Variants in SLC4A8 observed in about 807,000 individuals in gnomAD.
SLC4A8 encodes the protein solute carrier family 4 member 8, also known as electroneutral sodium bicarbonate exchanger 1.
Under a neutral mutation model 125.0 loss-of-function variants are expected in SLC4A8, and 40 were observed. The ratio of observed to expected loss-of-function variants is 0.32; its 90% CI spans 0.25 to 0.42. SLC4A8 has a LOEUF of 0.42. SLC4A8 is among the 10% of genes least tolerant of loss of function. The pLI is 1.00. For synonymous variants in SLC4A8, 456 were observed against 476.0 expected, an observed-to-expected ratio of 0.96 and a Z score of 0.55; for missense variants, 863 against 1,355.1, an observed-to-expected ratio of 0.64 and a Z score of 5.70.
At chr12:51,402,401 C>G (rs539042127) in intron 1 of SLC4A8, among the ~76,000 whole-genome samples, 1 of 152,098 alleles carries the variant, frequency 6.6e-6, no homozygotes, top group Non-Finnish European at 1.5e-5. Context: ...TTTGCTACCC[C>G]GATAAACTCA....
intron 1 of SLC4A8, among the ~76,000 whole-genome samples, chr12:51,436,622 TTTAG>T (rs945724367): frequency 2.5e-4 from 38 of 152,226 alleles, no homozygotes; most frequent in East Asian, 5.8e-4. Flanking sequence ...TATTTATTTA[TTTAG>T]TTAGTTAGTT....
intron 11 of SLC4A8, among the ~76,000 whole-genome samples, chr12:51,468,691 C>T (rs781565854): frequency 6.6e-5 from 10 of 152,152 alleles, no homozygotes; most frequent in East Asian, 3.9e-4. Context: ...ACCCAGGAGG[C>T]GGAGCTTGCA....
At position 51,495,043 on chromosome 12, in the gene SLC4A8, C is replaced by T. The variant is rs1951425403; in HGVS notation, c.2868C>T (p.Thr956=). The T allele has an allele frequency of 6.2e-7, 1 of 1,614,194 alleles. No individual in the cohort carries two copies. Among genetic ancestry groups the T allele is most frequent in the South Asian group, 1.1e-5 (1 of 91,088 alleles). The change falls in exon 21 of 25, where the codon ACC becomes ACT. Residue 956 remains threonine (T), a synonymous_variant. Coordinates refer to ENST00000453097, the MANE Select transcript of SLC4A8 (RefSeq NM_001039960.3). ...CGCTGCGCAAAGTGCACCTCTTCAC[C>T]CTCATCCAGTTGACCTGTCTCGTCC... The part of the protein sequence containing the change: ...HVPLRKVHLF[T]LIQLTCLVLL...
chr12:51,505,113 T>C (rs1938110480), intron 23 of SLC4A8, among the ~76,000 whole-genome samples: 1 of 152,198 alleles, frequency 6.6e-6, no homozygotes, highest in Non-Finnish European at 1.5e-5. Flanking sequence ...CTACGTGTTG[T>C]TGTGGAAGGA....
At chr12:51,477,936 G>A (rs1427353530) in intron 16 of SLC4A8, among the ~76,000 whole-genome samples, 2 of 152,156 alleles carry the variant, frequency 1.3e-5, no homozygotes, top group Non-Finnish European at 2.9e-5. Flanking sequence ...TTTGAGACCA[G>A]CCTGGCTAAC....
In SLC4A8 at chr12:51,510,116, C is replaced by T. The variant is rs1031275169; in HGVS notation, c.*2678C>T. 6.6e-6 allele frequency: 1 copy of T among 152,222 alleles called. No homozygotes were observed. Among genetic ancestry groups the T allele is most frequent in the Non-Finnish European group, 1.5e-5 (1 of 68,116 alleles). The allele number at this position is 152,222 out of a possible 1,614,324, so 9.4% of individuals were successfully genotyped here. On this transcript the variant is annotated 3_prime_UTR_variant, in exon 25 of 25. Coordinates refer to ENST00000453097, the MANE Select transcript of SLC4A8 (RefSeq NM_001039960.3). ...GACAGCTGGAGGAGGGTCTGATATC[C>T]CTGCAAGTGATGCAGGATAAAACTT...
chr12:51,457,769 G>T (rs1165374049), intron 6 of SLC4A8, among the ~76,000 whole-genome samples: 2 of 152,152 alleles, frequency 1.3e-5, no homozygotes, highest in Non-Finnish European at 2.9e-5. Context: ...AGGGACTTAT[G>T]CCCCAGGGTG....
At chr12:51,449,269 T>C (rs1949886626) in intron 2 of SLC4A8, among the ~76,000 whole-genome samples, 1 of 151,822 alleles carries the variant, frequency 6.6e-6, no homozygotes, top group African/African-American at 2.4e-5. Flanking sequence ...AGGACTTGTC[T>C]CTACTAAAAA....
exon 1 of SLC4A8, chr12:51,391,453 AG>A (rs1234979473): frequency 6.4e-6 from 1 of 155,850 alleles, no homozygotes; most frequent in Admixed American, 6.5e-5. Flanking sequence ...GGTAGTGAGG[AG>A]GAAGAGGAAG....
At chr12:51,424,061 A>AAAC (rs1948873876), upstream of SLC4A8, among the ~76,000 whole-genome samples, 1 of 58,486 alleles carries the variant, frequency 1.7e-5, no homozygotes, top group African/African-American at 5.4e-5. Context: ...AAACAAAAAA[A>AAAC]ACAACAAAAA....
chr12:51,393,265 A>G (rs1948193694), intron 1 of SLC4A8, among the ~76,000 whole-genome samples: 1 of 152,062 alleles, frequency 6.6e-6, no homozygotes, highest in Admixed American at 6.5e-5. Flanking sequence ...ATGCCCAGCT[A>G]ACTTTTTTTT....
At chr12:51,484,401 T>C (rs1194960850) in intron 16 of SLC4A8, among the ~76,000 whole-genome samples, 2 of 152,116 alleles carry the variant, frequency 1.3e-5, no homozygotes, top group Admixed American at 6.5e-5. Context: ...ATATGCAAAG[T>C]AGTAAACAGT....
At chr12:51,413,505 C>A (rs4761812) in intron 1 of SLC4A8, among the ~76,000 whole-genome samples, 151,888 of 152,350 alleles carry the variant, frequency 1, 75,716 homozygotes, top group Middle Eastern at 1. Flanking sequence ...CCATGTCCTG[C>A]AGCATTTCCT....
chr12:51,485,050 C>G (rs1360378394), intron 16 of SLC4A8, among the ~76,000 whole-genome samples: 1 of 152,004 alleles, frequency 6.6e-6, no homozygotes, highest in Non-Finnish European at 1.5e-5. Flanking sequence ...GCAACGCAGT[C>G]TGTGTGTTTG....
chr12:51,490,544 C>G (rs1220617363), intron 19 of SLC4A8, among the ~76,000 whole-genome samples: 3 of 118,314 alleles, frequency 2.5e-5, no homozygotes, highest in Non-Finnish European at 4.8e-5. Flanking sequence ...GCCAGGGCAA[C>G]AGAGCGAGAC....
chr12:51,478,015 G>A (rs1028738506), intron 16 of SLC4A8, among the ~76,000 whole-genome samples: 1 of 151,858 alleles, frequency 6.6e-6, no homozygotes, highest in East Asian at 1.9e-4. Flanking sequence ...AGTGGCTCAC[G>A]CCTGTAATCC....
At chr12:51,460,625 C>G (rs764552427) in intron 8 of SLC4A8, among the ~76,000 whole-genome samples, 1 of 152,224 alleles carries the variant, frequency 6.6e-6, no homozygotes, top group African/African-American at 2.4e-5. Flanking sequence ...AGGGGAACGT[C>G]TCTGAATAAA....
At chr12:51,466,128 T>C (rs1222920968) in intron 11 of SLC4A8, among the ~76,000 whole-genome samples, 2 of 152,104 alleles carry the variant, frequency 1.3e-5, no homozygotes, top group Non-Finnish European at 2.9e-5. Flanking sequence ...ATTGAAATGG[T>C]ACTCTGAGTT....
upstream of SLC4A8, among the ~76,000 whole-genome samples, chr12:51,423,790 T>C (rs559330747): frequency 3.7e-4 from 56 of 152,154 alleles, no homozygotes; most frequent in South Asian, 2.7e-3. Flanking sequence ...TCCCAGCACC[T>C]TGGGTGGCTG....
Sources: allele counts gnomAD v4.1 joint callset (sites outside exome capture counted in the v4.1 genomes callset), GRCh38; gene constraint gnomAD v4.1.1; transcripts MANE v1.5; gene names NCBI Gene and HGNC (gene_info 2026-07-23, HGNC 2026-07-21).